The following EPS15 variants were observed in gnomAD, a reference collection of about 807,000 sequenced individuals.
EPS15 encodes the protein epidermal growth factor receptor pathway substrate 15.
In EPS15, 72 loss-of-function variants were observed where a neutral mutation model predicts 113.8. The observed-to-expected ratio is 0.63, with a 90% confidence interval of 0.52 to 0.77. The LOEUF is 0.77. EPS15 is among the 30% of genes least tolerant of loss of function. EPS15 has a pLI of 0.00. For synonymous variants in EPS15, 344 were observed against 363.4 expected (o/e 0.95, Z 0.61); for missense variants, 1,048 against 1,045.8 (o/e 1.00, Z -0.03).
intron 1 of EPS15, among the ~76,000 whole-genome samples, chr1:51,508,325 AG>A (rs1378672226): frequency 1.7e-4 from 24 of 137,664 alleles, no homozygotes; most frequent in African/African-American, 7.4e-4. Flanking sequence ...AGAGAAAGAG[AG>A]AAAGAGAAAG....
At chr1:51,364,976 C>T (rs1027362461) in intron 22 of EPS15, among the ~76,000 whole-genome samples, 1 of 151,736 alleles carries the variant, frequency 6.6e-6, no homozygotes, top group East Asian at 1.9e-4. Flanking sequence ...ATTACAGGTG[C>T]GTGCCGGCAT....
chr1:51,388,061 T>C (rs559433943), intron 21 of EPS15, among the ~76,000 whole-genome samples: 1 of 152,248 alleles, frequency 6.6e-6, no homozygotes, highest in South Asian at 2.1e-4. Flanking sequence ...ATTGACCATG[T>C]AGTTGGAAGT....
At chr1:51,493,528 T>TTAAATAAATAAA (rs200731991) in intron 1 of EPS15, among the ~76,000 whole-genome samples, 37 of 133,434 alleles carry the variant, frequency 2.8e-4, no homozygotes, top group Middle Eastern at 3.6e-3. Context: ...CAGTCTCAAA[T>TTAAATAAATAAA]TAAATAAATA....
chr1:51,408,569 C>T (rs1649365073), intron 14 of EPS15, among the ~76,000 whole-genome samples: 1 of 151,902 alleles, frequency 6.6e-6, no homozygotes, highest in African/African-American at 2.4e-5. Context: ...ACTATAGGAA[C>T]ATGCCCAGCC....
intron 12 of EPS15, among the ~76,000 whole-genome samples, chr1:51,426,977 C>T (rs1252950275): frequency 1.3e-5 from 2 of 151,988 alleles, no homozygotes; most frequent in Non-Finnish European, 1.5e-5. Flanking sequence ...TACCTTTACT[C>T]TTCCAATTAT....
At position 51,471,697 on chromosome 1, in the gene EPS15, T is replaced by A. The variant is rs777867156; in HGVS notation, c.206A>T (p.Asn69Ile). 1.9e-6 allele frequency: 3 copies of A among 1,609,582 alleles called. No individual in the cohort carries two copies. The South Asian group carries it at 3.3e-5, about 18-fold the overall frequency. Residue 69 changes from asparagine (N) to isoleucine (I), a missense_variant, in exon 4 of 25, where the codon AAC (asparagine) becomes ATC (isoleucine). By Grantham distance (149) the Asn-to-Ile change is moderately radical. Coordinates refer to ENST00000371733, the MANE Select transcript of EPS15 (RefSeq NM_001981.3). Reference sequence around the variant, plus strand: ...TGAATATCTGAAACTTACTTGTTTGTTCAGGATACCTTTGCCATCTGTGTC... The same window carrying A: ...TGAATATCTGAAACTTACTTGTTTGATCAGGATACCTTTGCCATCTGTGTC... ...LADTDGKGIL[N>I]KQEFFVALRL...
intron 21 of EPS15, among the ~76,000 whole-genome samples, chr1:51,368,824 A>T: frequency 6.6e-6 from 1 of 152,124 alleles, no homozygotes; most frequent in South Asian, 2.1e-4. Context: ...GCTGGTCTCA[A>T]ACCTCTGACC....
intron 13 of EPS15, among the ~76,000 whole-genome samples, chr1:51,410,252 G>A (rs1220067445): frequency 6.6e-6 from 1 of 151,522 alleles, no homozygotes; most frequent in Admixed American, 6.6e-5. Flanking sequence ...TTAGCTGGAC[G>A]TGGTAGTACG....
intron 8 of EPS15, among the ~76,000 whole-genome samples, chr1:51,454,407 C>T (rs1653821315): frequency 6.6e-6 from 1 of 152,162 alleles, no homozygotes; most frequent in Admixed American, 6.5e-5. Context: ...AGTAACTTTA[C>T]AGTGGTGAAA....
Position 51,499,554 on chromosome 1 carries a change from C to T in EPS15, c.34-18240G>A, listed in dbSNP as rs562413840. Among the ~76,000 whole-genome samples, 128 of 152,262 alleles carry T rather than the reference C, an allele frequency of 8.4e-4. 1 individual carries two copies. The South Asian group carries it at 0.016, about 18-fold the overall frequency. On this transcript the variant is annotated intron_variant, in intron 1 of 24. Coordinates refer to ENST00000371733, the MANE Select transcript of EPS15 (RefSeq NM_001981.3). ...CAGGAACTGCCATGCTGTTTTCCAT[C>T]AGCTCATTTTACATTCCCATGAGCC...
At chr1:51,518,947 C>A (rs1224324630) in intron 1 of EPS15, among the ~76,000 whole-genome samples, 1 of 151,240 alleles carries the variant, frequency 6.6e-6, no homozygotes, top group Non-Finnish European at 1.5e-5. Context: ...CGGAGGGCGG[C>A]GAGGGCCGCG....
intron 21 of EPS15, among the ~76,000 whole-genome samples, chr1:51,380,277 T>C (rs933254433): frequency 6.7e-6 from 1 of 150,262 alleles, no homozygotes; most frequent in African/African-American, 2.4e-5. Flanking sequence ...CAAGTTGAAA[T>C]GAAAGGATGT....
chr1:51,479,415 A>C (rs1349599431), intron 2 of EPS15, among the ~76,000 whole-genome samples: 1 of 152,164 alleles, frequency 6.6e-6, no homozygotes, highest in Non-Finnish European at 1.5e-5. Context: ...CCTTTAGCTC[A>C]GAGAAGTTTG....
At chr1:51,400,712 C>CAAAA (rs375748381) in intron 19 of EPS15, among the ~76,000 whole-genome samples, 37 of 60,150 alleles carry the variant, frequency 6.2e-4, no homozygotes, top group Admixed American at 1.0e-3. Context: ...CAAAAAACAC[C>CAAAA]AAAAAAAAAA....
chr1:51,448,711 G>T lies in EPS15; in HGVS notation c.562-576C>A, dbSNP rs536018406. Among the ~76,000 whole-genome samples, 55 of 152,212 alleles carry T rather than the reference G, an allele frequency of 3.6e-4. No individual in the cohort carries two copies. In the East Asian group the frequency reaches 9.5e-3, roughly 26 times the overall value. On this transcript the variant is annotated intron_variant, in intron 8 of 24. Transcript: ENST00000371733. ...GGGGAAATTTTTACACTGCTGGTGG[G>T]AGCTGAGCGGTAGCATGCTACCCCA...
rs576579764 is a variant in EPS15, at chr1:51,480,123, A to G, written c.75+1150T>C. Among the ~76,000 whole-genome samples the G allele has an allele frequency of 7.2e-5, 11 of 152,342 alleles. No homozygotes were observed. In the East Asian group the frequency reaches 2.1e-3, roughly 29 times the overall value. On this transcript the variant is annotated intron_variant, in intron 2 of 24. Transcript: ENST00000371733. ...TTATTCTCTGACCTTAGAAGTTGCTATATAGTTTATAGCTCCTGATTTGCA... is the reference window on the plus strand; with the variant it reads ...TTATTCTCTGACCTTAGAAGTTGCTGTATAGTTTATAGCTCCTGATTTGCA...
At chr1:51,380,370 T>C (rs1646913748) in intron 21 of EPS15, among the ~76,000 whole-genome samples, 1 of 152,234 alleles carries the variant, frequency 6.6e-6, no homozygotes, top group Non-Finnish European at 1.5e-5. Flanking sequence ...AGTATTACTA[T>C]AATACTGGCT....
chr1:51,456,245 T>C (rs1343916907), intron 8 of EPS15, among the ~76,000 whole-genome samples: 6 of 152,222 alleles, frequency 3.9e-5, no homozygotes, highest in African/African-American at 1.4e-4. Context: ...GGTTAATTAC[T>C]AAGTTACTCT....
At chr1:51,497,597 T>C (rs1014597190) in intron 1 of EPS15, among the ~76,000 whole-genome samples, 1 of 152,166 alleles carries the variant, frequency 6.6e-6, no homozygotes, top group African/African-American at 2.4e-5. Flanking sequence ...ATCTTAGAAG[T>C]ATCATGACAT....
Sources: allele counts gnomAD v4.1 joint callset (sites outside exome capture counted in the v4.1 genomes callset), GRCh38; gene constraint gnomAD v4.1.1; transcripts MANE v1.5; gene names NCBI Gene and HGNC (gene_info 2026-07-23, HGNC 2026-07-21).